The following PDE10A variants were observed in gnomAD, a reference collection of about 807,000 sequenced individuals.
The protein encoded by PDE10A is cAMP and cAMP-inhibited cGMP 3',5'-cyclic phosphodiesterase 10A.
Under a neutral mutation model 97.7 loss-of-function variants are expected in PDE10A, and 39 were observed. That is an observed-to-expected ratio of 0.40 (90% CI 0.31 to 0.52). PDE10A has a LOEUF of 0.52. Ranked by LOEUF, PDE10A falls within the 20% of genes least tolerant of loss-of-function variation. PDE10A has a pLI of 0.56. For missense variants in PDE10A, 731 were observed against 1,047.8 expected, an observed-to-expected ratio of 0.70 and a Z score of 4.17; for synonymous variants, 371 against 376.8, an observed-to-expected ratio of 0.98 and a Z score of 0.18.
At chr6:165,648,096 T>A (rs1789496103) in intron 1 of PDE10A, among the ~76,000 whole-genome samples, 2 of 152,170 alleles carry the variant, frequency 1.3e-5, no homozygotes, top group South Asian at 4.1e-4. Flanking sequence ...CACTGCAAGC[T>A]CCACCTCTCG....
intron 1 of PDE10A, among the ~76,000 whole-genome samples, chr6:165,606,547 CCTG>C (rs1787218710): frequency 6.6e-6 from 1 of 152,130 alleles, no homozygotes; most frequent in African/African-American, 2.4e-5. Context: ...CTTCCTTCCA[CCTG>C]CTATTGATCA....
At chr6:165,392,379 C>T (rs1785785367) in intron 16 of PDE10A, among the ~76,000 whole-genome samples, 1 of 152,130 alleles carries the variant, frequency 6.6e-6, no homozygotes, top group East Asian at 1.9e-4. Context: ...AACATTTAAG[C>T]TTTAACAGGT....
intron 1 of PDE10A, among the ~76,000 whole-genome samples, chr6:165,888,296 C>CTT (rs10708803): frequency 1.2e-4 from 18 of 148,178 alleles, no homozygotes; most frequent in African/African-American, 4.5e-4. Context: ...CTTTTCTTTT[C>CTT]TTTTTTTTTT....
intron 1 of PDE10A, among the ~76,000 whole-genome samples, chr6:165,619,414 G>GTAGGC (rs1457558764): frequency 4.8e-5 from 2 of 41,310 alleles, no homozygotes; most frequent in African/African-American, 2.7e-4. Context: ...GTAGTCTAGT[G>GTAGGC]TAGTGTAGTG....
chr6:165,670,348 C>A (rs1790613372), intron 1 of PDE10A, among the ~76,000 whole-genome samples: 1 of 152,148 alleles, frequency 6.6e-6, no homozygotes, highest in Non-Finnish European at 1.5e-5. Context: ...ATACAGGAAA[C>A]AAAGGGTGGC....
chr6:165,816,657 A>G (rs538565701), intron 1 of PDE10A, among the ~76,000 whole-genome samples: 28 of 152,370 alleles, frequency 1.8e-4, no homozygotes, highest in African/African-American at 6.5e-4. Context: ...TGTTTGCTAA[A>G]TAAATACACA....
chr6:165,645,655 A>G (rs946585201), intron 1 of PDE10A, among the ~76,000 whole-genome samples: 1 of 152,010 alleles, frequency 6.6e-6, no homozygotes, highest in Non-Finnish European at 1.5e-5. Flanking sequence ...GGAGTTCGAG[A>G]CCAGCCTGAC....
At chr6:165,617,439 G>A (rs550202405) in intron 1 of PDE10A, among the ~76,000 whole-genome samples, 36 of 152,288 alleles carry the variant, frequency 2.4e-4, no homozygotes, top group Non-Finnish European at 3.5e-4. Context: ...CACCTCCCAG[G>A]TTCAAGCGAT....
chr6:165,604,938 CAAAAACT>C (rs1344649223), intron 1 of PDE10A, among the ~76,000 whole-genome samples: 1 of 152,090 alleles, frequency 6.6e-6, no homozygotes, highest in Admixed American at 6.5e-5. Context: ...AGTTAAAAAA[CAAAAACT>C]AAAAAAATAA....
intron 1 of PDE10A, among the ~76,000 whole-genome samples, chr6:165,958,282 C>G (rs1301073751): frequency 6.6e-6 from 1 of 151,880 alleles, no homozygotes; most frequent in Non-Finnish European, 1.5e-5. Context: ...TGCCCAGGAG[C>G]AAAATACAAA....
At chr6:165,412,637 G>A (rs1412074217) in intron 13 of PDE10A, among the ~76,000 whole-genome samples, 1 of 151,924 alleles carries the variant, frequency 6.6e-6, no homozygotes, top group African/African-American at 2.4e-5. Context: ...ATTAAAAACG[G>A]TTACCCTCGG....
At chr6:165,562,896 C>T (rs991634836) in intron 1 of PDE10A, among the ~76,000 whole-genome samples, 1 of 151,096 alleles carries the variant, frequency 6.6e-6, no homozygotes, top group East Asian at 1.9e-4. Flanking sequence ...CCAGTGACAT[C>T]TAGTGACATC....
intron 1 of PDE10A, among the ~76,000 whole-genome samples, chr6:165,971,432 C>G (rs1784672182): frequency 6.6e-6 from 1 of 152,186 alleles, no homozygotes; most frequent in South Asian, 2.1e-4. Context: ...TCTTACCTTC[C>G]TATAAGACTG....
rs377680652 is a variant in PDE10A, at chr6:165,510,941, A to AT, written c.995-28599dup. Reference sequence around the variant, plus strand: ...CTCTTAGTCTAACTAATGGTTTATCATTTTTTTTTAACTTTTCCAAAACCC... The same window carrying AT: ...CTCTTAGTCTAACTAATGGTTTATCATTTTTTTTTTAACTTTTCCAAAACCC... On this transcript the variant is annotated intron_variant, in intron 2 of 21. Coordinates refer to ENST00000539869, the MANE Select transcript of PDE10A (RefSeq NM_001385079.1). Among the ~76,000 whole-genome samples the AT allele has an allele frequency of 2.8e-3, 421 of 149,368 alleles. 15 individuals carry two copies. In the East Asian group the frequency reaches 0.068, roughly 24 times the overall value.
At chr6:165,669,534 G>A (rs1405869983) in intron 1 of PDE10A, among the ~76,000 whole-genome samples, 1 of 152,174 alleles carries the variant, frequency 6.6e-6, no homozygotes, top group Non-Finnish European at 1.5e-5. Context: ...GGGTTTTATT[G>A]TTTCCAAGTA....
At chr6:165,562,857 G>A (rs1784587061) in intron 1 of PDE10A, among the ~76,000 whole-genome samples, 1 of 152,086 alleles carries the variant, frequency 6.6e-6, no homozygotes, top group South Asian at 2.1e-4. Flanking sequence ...GACATTATGG[G>A]TTTTGGTTGT....
At chr6:165,936,372 G>T (rs762772048) in intron 1 of PDE10A, among the ~76,000 whole-genome samples, 9 of 152,084 alleles carry the variant, frequency 5.9e-5, no homozygotes, top group Admixed American at 2.0e-4. Flanking sequence ...GTTTAAGATC[G>T]GCAGAAATAA....
At chr6:165,603,886 C>T (rs1398261220) in intron 1 of PDE10A, among the ~76,000 whole-genome samples, 1 of 152,182 alleles carries the variant, frequency 6.6e-6, no homozygotes, top group Non-Finnish European at 1.5e-5. Context: ...GAATACCCAC[C>T]CTCAATTTGC....
chr6:165,593,939 T>C (rs1004126268), intron 1 of PDE10A, among the ~76,000 whole-genome samples: 1 of 152,244 alleles, frequency 6.6e-6, no homozygotes, highest in African/African-American at 2.4e-5. Context: ...GACAACATTC[T>C]TAATCAGACT....
Sources: gnomAD v4.1 joint callset for allele counts (sites outside exome capture counted in the v4.1 genomes callset) on GRCh38, gnomAD v4.1.1 for gene constraint, MANE v1.5 for transcripts, NCBI Gene and HGNC (gene_info 2026-07-23, HGNC 2026-07-21) for gene names.